DMXL1: variants seen among roughly 807,000 people sequenced by gnomAD.
The protein encoded by DMXL1 is dmX-like protein 1.
In DMXL1, 99 loss-of-function variants were observed where a neutral mutation model predicts 319.2. The ratio of observed to expected loss-of-function variants is 0.31; its 90% CI spans 0.26 to 0.37. DMXL1 has a LOEUF of 0.37. Ranked by LOEUF, DMXL1 falls within the 10% of genes least tolerant of loss-of-function variation. The pLI, the probability that DMXL1 is intolerant of heterozygous loss-of-function variation, is 1.00. For synonymous variants in DMXL1, 1,385 were observed against 1,235.2 expected (o/e 1.12, Z -2.54); for missense variants, 3,745 against 3,595.6 (o/e 1.04, Z -1.06).
chr5:119,086,820 G>A (rs1342097961), intron 1 of DMXL1, among the ~76,000 whole-genome samples: 1 of 151,396 alleles, frequency 6.6e-6, no homozygotes, highest in African/African-American at 2.4e-5. Context: ...CAGCAGTGAA[G>A]CCATAGGTCC....
At chr5:119,120,289 A>T (rs1411590284) in intron 8 of DMXL1, among the ~76,000 whole-genome samples, 2 of 152,246 alleles carry the variant, frequency 1.3e-5, no homozygotes, top group Non-Finnish European at 2.9e-5. Flanking sequence ...TAGTATTCTG[A>T]TGCCTCAGAA....
chr5:119,114,350 T>C, intron 5 of DMXL1, 125 bp from the exon 6 acceptor site: 1 of 687,568 alleles, frequency 1.5e-6, no homozygotes, highest in Non-Finnish European at 2.5e-6. Context: ...TACACAAAGA[T>C]GTGGGTGTGA....
intron 5 of DMXL1, among the ~76,000 whole-genome samples, chr5:119,112,580 C>T (rs1045344325): frequency 6.6e-5 from 10 of 152,108 alleles, no homozygotes; most frequent in Non-Finnish European, 1.0e-4. Flanking sequence ...CAAAGGAGCT[C>T]GTTCCATGTA....
At chr5:119,119,113 C>A in intron 8 of DMXL1, 109 bp downstream of exon 8, 1 of 733,274 alleles carries the variant, frequency 1.4e-6, no homozygotes, top group Non-Finnish European at 2.0e-6. Context: ...GAAAATAATT[C>A]TTAGAAAATT....
intron 13 of DMXL1, among the ~76,000 whole-genome samples, chr5:119,139,651 A>G (rs916416078): frequency 4.6e-5 from 7 of 152,320 alleles, no homozygotes; most frequent in African/African-American, 1.7e-4. Flanking sequence ...CTACAAAGAG[A>G]CATAGACTCC....
At chr5:119,239,450 T>C (rs1581499816) in intron 41 of DMXL1, among the ~76,000 whole-genome samples, 1 of 152,222 alleles carries the variant, frequency 6.6e-6, no homozygotes, top group East Asian at 1.9e-4. Context: ...TTCTTACGTA[T>C]GTTGGTCCCC....
intron 34 of DMXL1, among the ~76,000 whole-genome samples, chr5:119,208,627 T>C (rs1245216272): frequency 1.3e-5 from 2 of 152,152 alleles, no homozygotes; most frequent in African/African-American, 4.8e-5. Context: ...AATACAGTCT[T>C]TTTGAGGGGA....
chr5:119,228,596 A>T (rs1786043757), intron 38 of DMXL1, among the ~76,000 whole-genome samples: 1 of 152,214 alleles, frequency 6.6e-6, no homozygotes, highest in African/African-American at 2.4e-5. Flanking sequence ...ATGCAATTTA[A>T]CATATCAATT....
intron 8 of DMXL1, 32 bp from the exon 9 acceptor site, chr5:119,120,939 T>A (rs199703403): frequency 6.4e-7 from 1 of 1,571,674 alleles, no homozygotes; most frequent in East Asian, 2.3e-5. Flanking sequence ...CTTTTGACAA[T>A]ATAGGTATTA....
At chr5:119,072,579 C>G (rs1179074968) in intron 1 of DMXL1, among the ~76,000 whole-genome samples, 2 of 152,050 alleles carry the variant, frequency 1.3e-5, no homozygotes, top group Non-Finnish European at 2.9e-5. Context: ...ATAAGTGACA[C>G]AAAGTAAACA....
intron 1 of DMXL1, among the ~76,000 whole-genome samples, chr5:119,091,371 A>G (rs1754768647): frequency 6.6e-6 from 1 of 151,844 alleles, no homozygotes; most frequent in Non-Finnish European, 1.5e-5. Flanking sequence ...ACACCCAGCT[A>G]ATGTTTTTAT....
intron 21 of DMXL1, 49 bp from the exon 22 acceptor site, chr5:119,166,567 A>G (rs759005117): frequency 7.8e-6 from 12 of 1,530,336 alleles, no homozygotes; most frequent in African/African-American, 1.4e-5. Context: ...ATTCTGATGT[A>G]AAGAAAATTG....
intron 2 of DMXL1, among the ~76,000 whole-genome samples, chr5:119,100,982 C>T (rs562767505): frequency 4.0e-5 from 6 of 151,806 alleles, no homozygotes; most frequent in South Asian, 4.2e-4. Context: ...GGGGTTTCAC[C>T]GTGTTAGCCA....
In DMXL1 at chr5:119,072,220, C is replaced by T. The variant is rs1029244973; in HGVS notation, c.87+564C>T. 3.9e-5 allele frequency among the ~76,000 whole-genome samples: 6 copies of T among 152,164 alleles called. No individual in the cohort carries two copies. The East Asian group carries it at 9.6e-4, about 24-fold the overall frequency. ...AGCCTTTTCATTTTTAAAAATATTT[C>T]TTGGATATTTTACAATAACCTGGTA... On this transcript the variant is annotated intron_variant, in intron 1 of 43. Coordinates refer to ENST00000539542, the MANE Select transcript of DMXL1 (RefSeq NM_001290321.3).
At chr5:119,206,688 G>C in intron 33 of DMXL1, 146 bp from the exon 34 acceptor site, 1 of 522,840 alleles carries the variant, frequency 1.9e-6, no homozygotes, top group Non-Finnish European at 3.3e-6. Context: ...CTTATAAGGT[G>C]TATGAAATTT....
chr5:119,140,765 C>T (rs761059841), intron 13 of DMXL1, among the ~76,000 whole-genome samples: 1 of 152,092 alleles, frequency 6.6e-6, no homozygotes, highest in Non-Finnish European at 1.5e-5. Context: ...TTGAGGCCAG[C>T]ATTATCCTGA....
In DMXL1 at chr5:119,197,773, C is replaced by G. The variant is rs538979033; in HGVS notation, c.7562C>G (p.Pro2521Arg). The G allele has an allele frequency of 1.2e-6, 2 of 1,613,966 alleles. No individual in the cohort carries two copies. The highest frequency in any genetic ancestry group is 3.3e-5 in the Admixed American group (2 of 60,002). Residue 2521 changes from proline (P) to arginine (R), a missense_variant, in exon 32 of 44, where the codon CCT (proline) becomes CGT (arginine). Around this residue, in one of 4 missense-constraint regions of DMXL1, gnomAD observed 1,382 missense variants for 1,269.5 expected, o/e 1.09. Coordinates refer to ENST00000539542, the MANE Select transcript of DMXL1 (RefSeq NM_001290321.3). ...ATTTTAGAGCTTCCAGTTAGTTCAC[C>G]TCTTTGTCATGCGGTTCTAAAAACT... The part of the protein sequence containing the change: ...HDLAELPVSS[P>R]LCHAVLKTLQ...
intron 19 of DMXL1, 101 bp downstream of exon 19, chr5:119,152,137 CAT>C: frequency 3.0e-6 from 2 of 669,134 alleles, no homozygotes; most frequent in East Asian, 5.6e-5. Context: ...ATAATGATGA[CAT>C]ATTTAACATA....
chr5:119,154,204 A>G (rs1770485453), intron 19 of DMXL1, among the ~76,000 whole-genome samples: 1 of 152,238 alleles, frequency 6.6e-6, no homozygotes, highest in Non-Finnish European at 1.5e-5. Flanking sequence ...TAAGTGTTCA[A>G]GTGAAAGGAA....
Sources: gnomAD v4.1 joint callset for allele counts (sites outside exome capture counted in the v4.1 genomes callset) on GRCh38, gnomAD v4.1.1 for gene constraint, gnomAD v4.1.1 regional missense constraint, MANE v1.5 for transcripts, NCBI Gene and HGNC (gene_info 2026-07-23, HGNC 2026-07-21) for gene names.